Variants in WHRN observed in about 807,000 individuals in gnomAD.
WHRN encodes whirlin, also known as CASK-interacting protein CIP98.
Under a neutral mutation model 68.3 loss-of-function variants are expected in WHRN, and 41 were observed. That is an observed-to-expected ratio of 0.60 (90% CI 0.47 to 0.78). The LOEUF (loss-of-function observed/expected upper bound fraction) is 0.78, where lower values mean the gene tolerates loss of function less well. WHRN is among the 30% of genes least tolerant of loss of function. The probability of loss-of-function intolerance (pLI) is 0.00; values close to 1 mark genes in which losing one functional copy is unlikely to be tolerated. For synonymous variants in WHRN, 560 were observed against 561.3 expected (o/e 1.00, Z 0.03); for missense variants, 1,243 against 1,244.7 (o/e 1.00, Z 0.02).
chr9:114,422,967 C>T (rs1040272124), intron 7 of WHRN, among the ~76,000 whole-genome samples: 3 of 152,172 alleles, frequency 2.0e-5, no homozygotes, highest in Admixed American at 6.5e-5. Flanking sequence ...GAGTGGGCAC[C>T]ATGCCAGAGG....
chr9:114,468,961 G>A (rs895760369), intron 2 of WHRN, among the ~76,000 whole-genome samples: 2 of 152,168 alleles, frequency 1.3e-5, no homozygotes, highest in East Asian at 1.9e-4. Flanking sequence ...TTCAGGCTCC[G>A]GAGCCAGACT....
At position 114,504,592 on chromosome 9, in the gene WHRN, GT is replaced by G. The variant is rs1844239683; in HGVS notation, c.209del (p.Asn70ThrfsTer72). ...GCAGGGTGCGCACCAGGTCGAAGAC[GT>G]TGCGGCGCGCGTGGTAAGCGTTCAG... ...HCLNAYHARR[N>X]VFDLVRTLRV... On this transcript the variant is annotated frameshift_variant, in exon 1 of 12. Transcript: ENST00000362057. LOFTEE classifies it high-confidence loss of function. 6.2e-7 allele frequency: 1 copy of G among 1,611,406 alleles called. No individual in the cohort carries two copies. The highest frequency in any genetic ancestry group is 8.5e-7 in the Non-Finnish European group (1 of 1,179,560).
At chr9:114,430,715 A>G (rs1284670838) in intron 3 of WHRN, among the ~76,000 whole-genome samples, 1 of 152,240 alleles carries the variant, frequency 6.6e-6, no homozygotes, top group Non-Finnish European at 1.5e-5. Context: ...AAGAGGCAGC[A>G]TAGATTCCTG....
At chr9:114,403,441 G>C in intron 10 of WHRN, 102 bp from the exon 11 acceptor site, 1 of 1,507,958 alleles carries the variant, frequency 6.6e-7, no homozygotes, top group Non-Finnish European at 9.2e-7. Context: ...GCAGAGCTCA[G>C]GCTCCAGCCC....
chr9:114,444,803 T>C (rs950680303), intron 3 of WHRN, among the ~76,000 whole-genome samples: 1 of 151,762 alleles, frequency 6.6e-6, no homozygotes, highest in African/African-American at 2.4e-5. Flanking sequence ...ATAATATATA[T>C]ATATATGCAC....
At chr9:114,457,293 T>A (rs1839887314) in intron 3 of WHRN, among the ~76,000 whole-genome samples, 1 of 152,188 alleles carries the variant, frequency 6.6e-6, no homozygotes, top group East Asian at 1.9e-4. Flanking sequence ...AACCTGGGAT[T>A]TCTTGTGCCA....
Position 114,407,938 on chromosome 9 carries a change from G to A in WHRN, c.1698+9C>T. 6.3e-7 allele frequency: 1 copy of A among 1,596,418 alleles called. No homozygotes were observed. Among genetic ancestry groups the A allele is most frequent in the African/African-American group, 1.3e-5 (1 of 74,646 alleles). ...GAGAGCAGAACCAAAGGGCCAGCCA[G>A]GGCCTTACCACGGACACATCTGGGA... On this transcript the variant is annotated intron_variant, in intron 8 of 11. Transcript: ENST00000362057.
At chr9:114,404,797 A>G (rs1414640379) in intron 9 of WHRN, among the ~76,000 whole-genome samples, 2 of 151,950 alleles carry the variant, frequency 1.3e-5, no homozygotes, top group East Asian at 3.9e-4. Context: ...GATTGTAAAA[A>G]CTCACAGATC....
intron 3 of WHRN, among the ~76,000 whole-genome samples, chr9:114,465,845 T>G (rs1052306364): frequency 5.3e-5 from 8 of 152,214 alleles, no homozygotes; most frequent in South Asian, 2.1e-4. Flanking sequence ...TCACAGACGC[T>G]GGGCACACAG....
intron 2 of WHRN, among the ~76,000 whole-genome samples, chr9:114,471,187 A>C (rs1841190291): frequency 2.6e-5 from 4 of 152,220 alleles, no homozygotes; most frequent in African/African-American, 9.6e-5. Flanking sequence ...AGTGAAAATA[A>C]CACCACTACT....
intron 1 of WHRN, among the ~76,000 whole-genome samples, chr9:114,488,838 G>A (rs894742206): frequency 6.6e-6 from 1 of 152,158 alleles, no homozygotes; most frequent in African/African-American, 2.4e-5. Flanking sequence ...ACCACTAACT[G>A]CAACAGCTTC....
chr9:114,470,456 T>C (rs892808549), intron 2 of WHRN, among the ~76,000 whole-genome samples: 1 of 152,042 alleles, frequency 6.6e-6, no homozygotes, highest in Non-Finnish European at 1.5e-5. Context: ...GAGGGTGCCA[T>C]GAGCCAGGCT....
rs941480960 is a variant in WHRN at position 114,504,668 on chromosome 9, G to A, written c.134C>T (p.Ala45Val). The A allele has an allele frequency of 1.2e-6, 2 of 1,602,764 alleles. No homozygotes were observed. The highest frequency in any genetic ancestry group is 1.7e-6 in the Non-Finnish European group (2 of 1,177,146). ...LSANVRQLHQ[A>V]LTALLSEAER... ...CGCCTCGCTCAGCAGCGCGGTCAGC[G>A]CTTGGTGCAGCTGGCGCACGTTGGC... is the stretch of plus-strand genomic sequence containing the variant. Residue 45 changes from alanine (A) to valine (V), a missense_variant, in exon 1 of 12, where the codon GCG becomes GTG. Ala to Val is a moderately conservative substitution (Grantham distance 64). Transcript: ENST00000362057.
chr9:114,447,812 G>C (rs1838969495), intron 3 of WHRN, among the ~76,000 whole-genome samples: 3 of 151,994 alleles, frequency 2.0e-5, no homozygotes, highest in African/African-American at 7.3e-5. Context: ...CTTCAGAACT[G>C]TGAGCTAATA....
intron 2 of WHRN, among the ~76,000 whole-genome samples, chr9:114,469,906 GC>G (rs1313834903): frequency 1.3e-5 from 2 of 152,134 alleles, no homozygotes; most frequent in Non-Finnish European, 2.9e-5. Context: ...TTGGTTCATG[GC>G]CCCATCCTCC....
intron 5 of WHRN, 113 bp from the exon 6 acceptor site, chr9:114,424,659 A>T (rs1163145509): frequency 4.7e-5 from 56 of 1,192,334 alleles, no homozygotes; most frequent in Non-Finnish European, 6.6e-5. Context: ...TTCATCTGTT[A>T]TTCTCCCTCA....
chr9:114,424,606 T>TG, intron 5 of WHRN, 60 bp from the exon 6 acceptor site: 9 of 1,494,110 alleles, frequency 6.0e-6, no homozygotes, highest in African/African-American at 1.4e-5. Context: ...TGAGTGGCCA[T>TG]GCCACTCCCC....
intron 1 of WHRN, among the ~76,000 whole-genome samples, chr9:114,498,189 C>T (rs928973646): frequency 1.3e-5 from 2 of 152,118 alleles, no homozygotes; most frequent in Admixed American, 6.5e-5. Context: ...GCTGGGGATG[C>T]GTGAATAAGC....
intron 6 of WHRN, among the ~76,000 whole-genome samples, chr9:114,424,038 T>G (rs1255531600): frequency 6.6e-6 from 1 of 152,184 alleles, no homozygotes; most frequent in Non-Finnish European, 1.5e-5. Context: ...ATATGAGGCG[T>G]TAACCAGCCT....
Sources: gnomAD v4.1 joint callset for allele counts (sites outside exome capture counted in the v4.1 genomes callset) on GRCh38, gnomAD v4.1.1 for gene constraint, MANE v1.5 for transcripts, NCBI Gene and HGNC (gene_info 2026-07-23, HGNC 2026-07-21) for gene names.